Variants in IPO5 observed in about 807,000 individuals in gnomAD.
The protein encoded by IPO5 is importin-5.
In IPO5, 18 loss-of-function variants were observed where a neutral mutation model predicts 143.3. The ratio of observed to expected loss-of-function variants is 0.13; its 90% CI spans 0.09 to 0.19. IPO5 has a LOEUF of 0.19. Ranked by LOEUF, IPO5 falls within the 10% of genes least tolerant of loss-of-function variation. The probability of loss-of-function intolerance (pLI) is 1.00; values close to 1 mark genes in which losing one functional copy is unlikely to be tolerated. For missense variants in IPO5, 1,013 were observed against 1,336.9 expected (o/e 0.76, Z 3.78); for synonymous variants, 477 against 465.7 (o/e 1.02, Z -0.31).
At chr13:97,966,968 G>A (rs758407432) in intron 2 of IPO5, among the ~76,000 whole-genome samples, 25 of 152,146 alleles carry the variant, frequency 1.6e-4, no homozygotes, top group Admixed American at 3.9e-4. Context: ...CCAGGGAGGC[G>A]GAGGTTGCAG....
At chr13:98,012,462 T>C in intron 21 of IPO5, 120 bp downstream of exon 21, 1 of 694,336 alleles carries the variant, frequency 1.4e-6, no homozygotes, top group Non-Finnish European at 2.6e-6. Context: ...TTGCACTAAG[T>C]GTACTCTTAG....
Position 98,019,572 on chromosome 13 carries a change from T to C in IPO5, c.2837-9T>C. 1 of 1,596,984 alleles carries C rather than the reference T, an allele frequency of 6.3e-7. No individual in the cohort carries two copies. The highest frequency in any genetic ancestry group is 1.1e-5 in the South Asian group (1 of 89,900). On this transcript the variant is annotated splice_polypyrimidine_tract_variant and intron_variant, in intron 26 of 28. Transcript: ENST00000651721. ...TTTTAGCTGAACTTCTTTCAAATGC[T>C]TATTTTAGAAGCACTTCCCCTGCTG...
intron 3 of IPO5, among the ~76,000 whole-genome samples, chr13:97,971,557 T>C (rs183284667): frequency 2.0e-5 from 3 of 152,198 alleles, no homozygotes; most frequent in African/African-American, 7.2e-5. Context: ...TATTTCACTC[T>C]GCACAATTGG....
At chr13:97,996,703 C>T (rs191811703) in intron 11 of IPO5, among the ~76,000 whole-genome samples, 3 of 152,104 alleles carry the variant, frequency 2.0e-5, no homozygotes, top group Admixed American at 2.0e-4. Context: ...CCCAGGTTCA[C>T]GCCATTCTCC....
At chr13:97,960,853 C>T (rs1035736096) in intron 2 of IPO5, among the ~76,000 whole-genome samples, 1 of 152,170 alleles carries the variant, frequency 6.6e-6, no homozygotes, top group Non-Finnish European at 1.5e-5. Context: ...GCCACCTCAC[C>T]CAGCCTAAAG....
intron 5 of IPO5, among the ~76,000 whole-genome samples, chr13:97,984,394 G>A (rs1220617440): frequency 6.6e-6 from 1 of 152,088 alleles, no homozygotes; most frequent in Non-Finnish European, 1.5e-5. Context: ...CTTGTATTAA[G>A]CCTTATTTAA....
chr13:98,012,120 T>C, intron 20 of IPO5, 126 bp from the exon 21 acceptor site: 3 of 630,236 alleles, frequency 4.8e-6, no homozygotes, highest in Non-Finnish European at 8.7e-6. Context: ...CAGTTCTACA[T>C]GCAACTTTAA....
intron 6 of IPO5, 78 bp downstream of exon 6, chr13:97,985,691 A>C: frequency 1.0e-6 from 1 of 954,088 alleles, no homozygotes; most frequent in South Asian, 1.5e-5. Context: ...GGAATCTTTT[A>C]GAGTAAGATT....
rs921475747 is a variant in IPO5 at position 97,990,620 on chromosome 13, A to G, written c.669+83A>G. The G allele has an allele frequency of 3.1e-5, 23 of 743,208 alleles. 1 individual carries two copies. Among genetic ancestry groups the G allele is most frequent in the South Asian group, 1.4e-4 (8 of 55,442 alleles). 46.0% of individuals were successfully genotyped at this position (743,208 alleles called of 1,614,324 possible). ...TCAATCATTTATGCAATAAATTCAT[A>G]TTGCCTATTATGTTCTGGCGCTAGG... On this transcript the variant is annotated intron_variant, in intron 9 of 28. Transcript: ENST00000651721.
intron 16 of IPO5, among the ~76,000 whole-genome samples, chr13:98,005,442 T>C (rs899663614): frequency 6.6e-6 from 1 of 151,798 alleles, no homozygotes; most frequent in Non-Finnish European, 1.5e-5. Flanking sequence ...TTGGCCAGGC[T>C]GGTTTTGAAC....
At position 98,005,764 on chromosome 13, in the gene IPO5, T is replaced by G. The variant is rs1181611423; in HGVS notation, c.1498-366T>G. Among the ~76,000 whole-genome samples the G allele has an allele frequency of 6.6e-5, 10 of 151,988 alleles. No homozygotes were observed. In the South Asian group the frequency reaches 1.0e-3, roughly 16 times the overall value. ...TGACGTAGTAAGACAGCACAAAATA[T>G]AATCATAAGTAGAGGAAATCAGTGA... On this transcript the variant is annotated intron_variant, in intron 16 of 28. Coordinates refer to ENST00000651721, the MANE Select transcript of IPO5 (RefSeq NM_002271.6).
Position 97,990,422 on chromosome 13 carries a change from C to A in IPO5, c.565-11C>A. The A allele has an allele frequency of 6.4e-7, 1 of 1,569,852 alleles. No individual in the cohort carries two copies. The highest frequency in any genetic ancestry group is 1.2e-5 in the South Asian group (1 of 85,268). On this transcript the variant is annotated splice_polypyrimidine_tract_variant and intron_variant, in intron 8 of 28. Coordinates refer to ENST00000651721, the MANE Select transcript of IPO5 (RefSeq NM_002271.6). ...TTTCTCATGTTTGACATTTTTTCCT[C>A]TTGATTTTAGATCAGGACGTTATCT...
intron 5 of IPO5, 82 bp from the exon 6 acceptor site, chr13:97,985,339 G>T: frequency 9.1e-7 from 1 of 1,104,428 alleles, no homozygotes; most frequent in Non-Finnish European, 1.3e-6. Context: ...AAAATTAGGC[G>T]CTTTTGAAAT....
intron 4 of IPO5, among the ~76,000 whole-genome samples, chr13:97,980,825 T>TC (rs1332374295): frequency 1.7e-3 from 142 of 84,230 alleles, no homozygotes; most frequent in Non-Finnish European, 3.3e-3. Context: ...AGACTCTATC[T>TC]CAAAAAAAAA....
chr13:97,994,271 G>A (rs1888050645), intron 11 of IPO5, among the ~76,000 whole-genome samples: 1 of 152,142 alleles, frequency 6.6e-6, no homozygotes, highest in South Asian at 2.1e-4. Context: ...CCATGCCATT[G>A]CACTCCAGCC....
chr13:97,957,784 T>C (rs1485757728), intron 2 of IPO5, among the ~76,000 whole-genome samples: 1 of 152,146 alleles, frequency 6.6e-6, no homozygotes, highest in East Asian at 1.9e-4. Flanking sequence ...CATTAGTGGA[T>C]TCCTTCTCTT....
chr13:98,021,830 T>C lies in IPO5; in HGVS notation c.*8T>C. On this transcript the variant is annotated 3_prime_UTR_variant, in exon 29 of 29. Coordinates refer to ENST00000651721, the MANE Select transcript of IPO5 (RefSeq NM_002271.6). ...CTCCTGAACTCTGCGTGAAGGGCCT[T>C]AATGTCACCCACCAGAAAACTAACT... 23 of 1,585,834 alleles carry C rather than the reference T, an allele frequency of 1.5e-5. No homozygotes were observed. Among genetic ancestry groups the C allele is most frequent in the Non-Finnish European group, 2.0e-5 (23 of 1,157,746 alleles).
rs773613044 is a variant in IPO5, at chr13:98,022,408, C to T, written c.*586C>T. 1 of 152,602 alleles carries T rather than the reference C, an allele frequency of 6.6e-6. No homozygotes were observed. Among genetic ancestry groups the T allele is most frequent in the Non-Finnish European group, 1.5e-5 (1 of 68,042 alleles). 9.5% of individuals were successfully genotyped at this position (152,602 alleles called of 1,614,324 possible). A position where few individuals can be genotyped will look rare whatever the true frequency, so the allele number is the denominator to read the frequency against. The stretch of plus-strand genomic sequence containing the variant: ...TCGGGAAGCTTTCCAGCTTCCAGCC[C>T]TTGAATGTGAAGTGTCATTGGCATG... On this transcript the variant is annotated 3_prime_UTR_variant, in exon 29 of 29. Transcript: ENST00000651721.
chr13:97,993,247 A>G, intron 11 of IPO5, 22 bp downstream of exon 11: 1 of 1,608,602 alleles, frequency 6.2e-7, no homozygotes, highest in Non-Finnish European at 8.5e-7. Context: ...GTCTTCAGAT[A>G]GTTTATGTGT....
Sources: allele counts gnomAD v4.1 joint callset (sites outside exome capture counted in the v4.1 genomes callset), GRCh38; gene constraint gnomAD v4.1.1; transcripts MANE v1.5; gene names NCBI Gene and HGNC (gene_info 2026-07-23, HGNC 2026-07-21).